TRPM3: variants seen among roughly 807,000 people sequenced by gnomAD.
TRPM3 encodes the protein transient receptor potential cation channel subfamily M member 3.
TRPM3 carries 77 observed loss-of-function variants against 181.2 expected under a neutral mutation model. The observed-to-expected ratio is 0.42, with a 90% CI of 0.35 to 0.51. The LOEUF (loss-of-function observed/expected upper bound fraction) is 0.51, where lower values mean the gene tolerates loss of function less well. TRPM3 is among the 20% of genes least tolerant of loss of function. TRPM3 has a pLI of 0.01. For missense variants in TRPM3, 1,759 were observed against 2,196.7 expected (o/e 0.80, Z 3.98); for synonymous variants, 745 against 796.4 (o/e 0.94, Z 1.09).
intron 1 of TRPM3, among the ~76,000 whole-genome samples, chr9:71,205,448 A>G (rs1720503548): frequency 6.6e-6 from 1 of 152,036 alleles, no homozygotes; most frequent in Admixed American, 6.6e-5. Flanking sequence ...TCTTTTACCT[A>G]GTTGGGTAGA....
At chr9:70,770,106 A>G (rs1176197922) in intron 7 of TRPM3, among the ~76,000 whole-genome samples, 2 of 142,568 alleles carry the variant, frequency 1.4e-5, no homozygotes, top group Non-Finnish European at 3.2e-5. Context: ...TTTAAACTCA[A>G]AGGGTGTTTA....
chr9:71,029,396 T>C (rs1465018814), intron 1 of TRPM3, among the ~76,000 whole-genome samples: 1 of 152,218 alleles, frequency 6.6e-6, no homozygotes, highest in Non-Finnish European at 1.5e-5. Flanking sequence ...ATATGCTCTG[T>C]GTATGCTTGG....
intron 1 of TRPM3, among the ~76,000 whole-genome samples, chr9:71,216,371 G>C (rs757050105): frequency 1.3e-5 from 2 of 152,166 alleles, no homozygotes; most frequent in Non-Finnish European, 2.9e-5. Flanking sequence ...CATGGTGAGA[G>C]GCAAAGGAAT....
chr9:71,165,074 T>C (rs895202462), intron 1 of TRPM3, among the ~76,000 whole-genome samples: 9 of 152,176 alleles, frequency 5.9e-5, no homozygotes, highest in Non-Finnish European at 1.3e-4. Flanking sequence ...AGTGTGCATA[T>C]GTTTATGATA....
chr9:70,867,383 A>T (rs2095671444), intron 1 of TRPM3, among the ~76,000 whole-genome samples: 1 of 152,096 alleles, frequency 6.6e-6, no homozygotes, highest in African/African-American at 2.4e-5. Context: ...AGTTTTAGTC[A>T]GATGATGGGT....
chr9:71,427,224 C>A (rs1190456760), intron 1 of TRPM3, among the ~76,000 whole-genome samples: 1 of 152,112 alleles, frequency 6.6e-6, no homozygotes, highest in South Asian at 2.1e-4. Flanking sequence ...TCTCCTTAAA[C>A]CCTCCTCAGT....
chr9:70,859,387 T>C (rs1268543198), intron 3 of TRPM3, among the ~76,000 whole-genome samples: 2 of 152,150 alleles, frequency 1.3e-5, no homozygotes, highest in Non-Finnish European at 2.9e-5. Context: ...TATTGTAATA[T>C]ACATACAGTA....
intron 3 of TRPM3, among the ~76,000 whole-genome samples, chr9:70,850,514 C>T (rs2132148912): frequency 6.6e-6 from 1 of 152,092 alleles, no homozygotes; most frequent in African/African-American, 2.4e-5. Context: ...TGCTGATTTC[C>T]CAGGTATATT....
At chr9:70,639,892 A>G (rs943493182) in intron 10 of TRPM3, among the ~76,000 whole-genome samples, 1 of 152,162 alleles carries the variant, frequency 6.6e-6, no homozygotes, top group Admixed American at 6.5e-5. Flanking sequence ...AGGGGAAAGG[A>G]AGGAGTAAGA....
intron 3 of TRPM3, among the ~76,000 whole-genome samples, chr9:70,860,568 G>A (rs1158542910): frequency 6.6e-6 from 1 of 152,140 alleles, no homozygotes; most frequent in East Asian, 1.9e-4. Context: ...ATGACAGTCA[G>A]GCTGTAAATA....
At chr9:70,559,125 A>G (rs1485737637) in intron 22 of TRPM3, among the ~76,000 whole-genome samples, 2 of 152,216 alleles carry the variant, frequency 1.3e-5, no homozygotes, top group Non-Finnish European at 2.9e-5. Context: ...CCTTGCTGGA[A>G]TATAAGCCTC....
At position 71,167,837 on chromosome 9, in the gene TRPM3, CAGA is replaced by C. The variant is rs2076613975; in HGVS notation, c.183+278813_183+278815del. Among the ~76,000 whole-genome samples the C allele has an allele frequency of 2.6e-5, 4 of 152,108 alleles. No homozygotes were observed. The South Asian group carries it at 8.3e-4, about 32-fold the overall frequency. ...CCAGCAGCATTCTAGTTGCATTCTA[CAGA>C]AGAAAATTTCAAAAATTACAAAGGG... On this transcript the variant is annotated intron_variant, in intron 1 of 24. Coordinates refer to the TRPM3 transcript ENST00000357533.
intron 1 of TRPM3, among the ~76,000 whole-genome samples, chr9:71,047,822 A>T (rs1006633918): frequency 7.1e-5 from 6 of 84,070 alleles, no homozygotes; most frequent in Middle Eastern, 5.7e-3. Context: ...ACACACACAC[A>T]CACACACACA....
intron 1 of TRPM3, among the ~76,000 whole-genome samples, chr9:71,247,904 T>C (rs1224037880): frequency 6.6e-6 from 1 of 152,160 alleles, no homozygotes; most frequent in African/African-American, 2.4e-5. Context: ...TTTTACTAGC[T>C]AAAGTGAAGG....
At chr9:71,323,581 A>G (rs2089433309) in intron 1 of TRPM3, among the ~76,000 whole-genome samples, 1 of 152,122 alleles carries the variant, frequency 6.6e-6, no homozygotes, top group African/African-American at 2.4e-5. Context: ...CCCCAAACCA[A>G]TGAACACTTC....
intron 1 of TRPM3, among the ~76,000 whole-genome samples, chr9:71,377,947 A>G (rs2092705202): frequency 6.6e-6 from 1 of 152,066 alleles, no homozygotes; most frequent in Admixed American, 6.6e-5. Flanking sequence ...TGATTATATG[A>G]ATATATCACG....
chr9:71,198,389 C>T (rs1244431789), intron 1 of TRPM3, among the ~76,000 whole-genome samples: 4 of 152,006 alleles, frequency 2.6e-5, no homozygotes, highest in Non-Finnish European at 4.4e-5. Flanking sequence ...TTTAAAGTAG[C>T]TTTTTCTAAT....
intron 1 of TRPM3, among the ~76,000 whole-genome samples, chr9:71,403,640 A>G (rs1301294911): frequency 1.3e-5 from 2 of 152,182 alleles, no homozygotes; most frequent in Non-Finnish European, 1.5e-5. Flanking sequence ...GAGCAAACAA[A>G]AAACGTATAT....
intron 6 of TRPM3, among the ~76,000 whole-genome samples, chr9:70,806,105 G>T (rs926244922): frequency 1.3e-5 from 2 of 152,138 alleles, no homozygotes; most frequent in African/African-American, 4.8e-5. Context: ...CGACGCCAAG[G>T]CTCCTTAGCC....
Sources: allele counts gnomAD v4.1 joint callset (sites outside exome capture counted in the v4.1 genomes callset), GRCh38; gene constraint gnomAD v4.1.1; transcripts MANE v1.5; gene names NCBI Gene and HGNC (gene_info 2026-07-23, HGNC 2026-07-21).